PLCB4: variants seen among roughly 807,000 people sequenced by gnomAD.
PLCB4 encodes the protein 1-phosphatidylinositol 4,5-bisphosphate phosphodiesterase beta-4.
A neutral mutation model predicts 178.8 loss-of-function variants in PLCB4; 77 were observed. The ratio of observed to expected loss-of-function variants is 0.43; its 90% CI spans 0.36 to 0.52. The LOEUF (loss-of-function observed/expected upper bound fraction) is 0.52, where lower values mean the gene tolerates loss of function less well. PLCB4 is among the 20% of genes least tolerant of loss of function. The pLI, the probability that PLCB4 is intolerant of heterozygous loss-of-function variation, is 0.00. For missense variants in PLCB4, 1,024 were observed against 1,453.4 expected, an observed-to-expected ratio of 0.70 and a Z score of 4.80; for synonymous variants, 496 against 490.8, an observed-to-expected ratio of 1.01 and a Z score of -0.14.
chr20:9,229,636 C>A (rs951938497), intron 3 of PLCB4, among the ~76,000 whole-genome samples: 1 of 151,348 alleles, frequency 6.6e-6, no homozygotes, highest in Non-Finnish European at 1.5e-5. Flanking sequence ...TATTTGGTAC[C>A]TTTTAATACA....
At chr20:9,112,312 G>A (rs1229107461) in intron 2 of PLCB4, among the ~76,000 whole-genome samples, 2 of 149,766 alleles carry the variant, frequency 1.3e-5, no homozygotes, top group Admixed American at 6.7e-5. Flanking sequence ...CCGCAGTACA[G>A]TGGATGATCT....
At chr20:9,346,701 G>A (rs1399523966) in intron 7 of PLCB4, among the ~76,000 whole-genome samples, 1 of 152,200 alleles carries the variant, frequency 6.6e-6, no homozygotes, top group East Asian at 1.9e-4. Context: ...TGTCCGGAGT[G>A]CAGAGCTGTG....
At chr20:9,428,279 A>T (rs1431501724) in intron 28 of PLCB4, among the ~76,000 whole-genome samples, 1 of 152,174 alleles carries the variant, frequency 6.6e-6, no homozygotes, top group Non-Finnish European at 1.5e-5. Flanking sequence ...CCAGTTGCAT[A>T]TTCACAGTGA....
At chr20:9,229,325 A>G (rs2093905337) in intron 3 of PLCB4, among the ~76,000 whole-genome samples, 1 of 152,144 alleles carries the variant, frequency 6.6e-6, no homozygotes, top group Non-Finnish European at 1.5e-5. Context: ...GTGCTTTCAG[A>G]TCTATCACAA....
intron 14 of PLCB4, among the ~76,000 whole-genome samples, chr20:9,386,567 A>C (rs1316507848): frequency 6.6e-6 from 1 of 152,086 alleles, no homozygotes; most frequent in Non-Finnish European, 1.5e-5. Context: ...CTTCCTCTGA[A>C]TACCTGAGTA....
chr20:9,284,222 T>C (rs2094518119), intron 3 of PLCB4, among the ~76,000 whole-genome samples: 1 of 151,952 alleles, frequency 6.6e-6, no homozygotes, highest in Non-Finnish European at 1.5e-5. Flanking sequence ...AAAAGCATCT[T>C]AGATATGGTG....
chr20:9,413,297 G>T (rs2039987164), intron 25 of PLCB4, among the ~76,000 whole-genome samples: 1 of 152,106 alleles, frequency 6.6e-6, no homozygotes, highest in Non-Finnish European at 1.5e-5. Flanking sequence ...GCCGGATGCA[G>T]GGAGTATTGT....
intron 2 of PLCB4, among the ~76,000 whole-genome samples, chr20:9,124,626 G>A (rs2092063309): frequency 6.6e-6 from 1 of 152,180 alleles, no homozygotes; most frequent in Middle Eastern, 3.2e-3. Flanking sequence ...ATGAGAGACT[G>A]TATTTAAGAA....
chr20:9,318,945 C>T (rs770850396), intron 4 of PLCB4, among the ~76,000 whole-genome samples: 7 of 152,248 alleles, frequency 4.6e-5, no homozygotes, highest in Non-Finnish European at 7.3e-5. Flanking sequence ...GTCTGTGGGC[C>T]GCAGGTGAAC....
At chr20:9,354,773 T>G (rs2034644675) in intron 7 of PLCB4, among the ~76,000 whole-genome samples, 1 of 152,218 alleles carries the variant, frequency 6.6e-6, no homozygotes. Context: ...GCCTGGTATC[T>G]GTTGGAAGCT....
Position 9,395,590 on chromosome 20 carries a change from G to A in PLCB4, c.1482G>A (p.Glu494=), listed in dbSNP as rs1476416213. The A allele has an allele frequency of 1.2e-6, 2 of 1,612,566 alleles. No individual in the cohort carries two copies. The highest frequency in any genetic ancestry group is 2.7e-5 in the African/African-American group (2 of 75,024). ...CTGCCTCCCCAGCAAACATCTTAGA[G>A]GACGATAATGAAGAGGAGATCGAAA... is the stretch of plus-strand genomic sequence containing the variant. ...GESASPANIL[E]DDNEEEIESA... is the part of the protein sequence containing the mutation. The change falls in exon 19 of 40, where the codon GAG becomes GAA. Residue 494 remains glutamate (E), a synonymous_variant. Transcript: ENST00000378473.
At chr20:9,357,457 A>G (rs1290386586) in intron 7 of PLCB4, among the ~76,000 whole-genome samples, 4 of 152,188 alleles carry the variant, frequency 2.6e-5, no homozygotes, top group Non-Finnish European at 5.9e-5. Flanking sequence ...ATGAGATAGA[A>G]TATCCTGTGT....
chr20:9,431,057 TA>T (rs1452525111), intron 28 of PLCB4, among the ~76,000 whole-genome samples: 1 of 152,188 alleles, frequency 6.6e-6, no homozygotes, highest in African/African-American at 2.4e-5. Flanking sequence ...CTGGGTGGTT[TA>T]AAACAGCAGA....
At chr20:9,112,256 CTTTTTTT>C (rs924027156) in intron 2 of PLCB4, among the ~76,000 whole-genome samples, 17 of 137,172 alleles carry the variant, frequency 1.2e-4, no homozygotes, top group Admixed American at 5.2e-4. Flanking sequence ...ATACCCTACT[CTTTTTTT>C]TTTTTTTTTT....
At chr20:9,158,219 C>T (rs990221527) in intron 2 of PLCB4, among the ~76,000 whole-genome samples, 5 of 152,052 alleles carry the variant, frequency 3.3e-5, no homozygotes, top group African/African-American at 1.2e-4. Context: ...ATACCATCTG[C>T]ATGCTTTTTG....
At chr20:9,122,121 A>G (rs1463598394) in intron 2 of PLCB4, among the ~76,000 whole-genome samples, 2 of 152,156 alleles carry the variant, frequency 1.3e-5, no homozygotes, top group Non-Finnish European at 2.9e-5. Context: ...ACTGATAAGA[A>G]GAGAGACAAA....
chr20:9,334,337 A>C (rs996133881), intron 4 of PLCB4, among the ~76,000 whole-genome samples: 1 of 152,188 alleles, frequency 6.6e-6, no homozygotes, highest in Non-Finnish European at 1.5e-5. Flanking sequence ...TGGAAGCCAG[A>C]TAGAGTTGCT....
chr20:9,443,041 CTGTT>C (rs1408171575), intron 30 of PLCB4, among the ~76,000 whole-genome samples: 9 of 152,100 alleles, frequency 5.9e-5, no homozygotes, highest in African/African-American at 2.2e-4. Context: ...CAAACAGAAA[CTGTT>C]TGAGGATCTG....
In PLCB4 at chr20:9,459,161, T is replaced by A. The variant is rs552496583; in HGVS notation, c.3073-474T>A. Among the ~76,000 whole-genome samples the A allele has an allele frequency of 2.0e-5, 3 of 152,198 alleles. No individual in the cohort carries two copies. In the East Asian group the frequency reaches 5.8e-4, roughly 29 times the overall value. ...GAGTTTGAGACCAGCCTGGCCAACA[T>A]GGTGAAACCCTGTCTCTAGTAAAAA... On this transcript the variant is annotated intron_variant, in intron 34 of 39. Transcript: ENST00000378473.
Sources: gnomAD v4.1 joint callset for allele counts (sites outside exome capture counted in the v4.1 genomes callset) on GRCh38, gnomAD v4.1.1 for gene constraint, MANE v1.5 for transcripts, NCBI Gene and HGNC (gene_info 2026-07-23, HGNC 2026-07-21) for gene names.